The following CACNA1C variants were observed in gnomAD, a reference collection of about 807,000 sequenced individuals.
The protein encoded by CACNA1C is voltage-dependent L-type calcium channel subunit alpha-1C.
CACNA1C carries 30 observed loss-of-function variants against 229.0 expected under a neutral mutation model. That is an observed-to-expected ratio of 0.13 (90% CI 0.10 to 0.18). The LOEUF (loss-of-function observed/expected upper bound fraction) is 0.18. Ranked by LOEUF, CACNA1C falls within the 10% of genes least tolerant of loss-of-function variation. CACNA1C has a pLI of 1.00. For missense variants in CACNA1C, 1,658 were observed against 2,845.0 expected (o/e 0.58, Z 9.49); for synonymous variants, 1,114 against 1,132.5 (o/e 0.98, Z 0.33).
At chr12:2,683,335 T>C (rs1233355711) in intron 43 of CACNA1C, among the ~76,000 whole-genome samples, 1 of 152,214 alleles carries the variant, frequency 6.6e-6, no homozygotes, top group East Asian at 1.9e-4. Flanking sequence ...CAGATGTGGC[T>C]ATCTGGGGGT....
At chr12:2,051,856 G>C (rs975250525), upstream of CACNA1C, among the ~76,000 whole-genome samples, 6 of 152,338 alleles carry the variant, frequency 3.9e-5, no homozygotes, top group Admixed American at 2.6e-4. Flanking sequence ...CTGGAATTCA[G>C]GAGAGAGGTC....
chr12:2,206,529 G>T (rs1456828276), intron 3 of CACNA1C, among the ~76,000 whole-genome samples: 1 of 152,170 alleles, frequency 6.6e-6, no homozygotes, highest in African/African-American at 2.4e-5. Context: ...GCAAAATGGG[G>T]CTAGTAACAC....
chr12:2,304,493 G>A (rs1860003), intron 3 of CACNA1C, among the ~76,000 whole-genome samples: 6,290 of 152,218 alleles, frequency 0.041, 436 homozygotes, highest in African/African-American at 0.14. Context: ...ATCCTGACAC[G>A]TTTGTCCCCC....
intron 1 of CACNA1C, among the ~76,000 whole-genome samples, chr12:2,086,729 G>C (rs1161013884): frequency 6.6e-6 from 1 of 152,170 alleles, no homozygotes; most frequent in Non-Finnish European, 1.5e-5. Flanking sequence ...CTAATGTATG[G>C]AGAAAGAGAA....
At chr12:2,227,621 T>C (rs1421132088) in intron 3 of CACNA1C, among the ~76,000 whole-genome samples, 2 of 152,192 alleles carry the variant, frequency 1.3e-5, no homozygotes, top group Non-Finnish European at 2.9e-5. Flanking sequence ...TGCTAAGAAC[T>C]AGGCAGAAGC....
At chr12:2,086,740 G>A (rs919329150) in intron 1 of CACNA1C, among the ~76,000 whole-genome samples, 1 of 152,166 alleles carries the variant, frequency 6.6e-6, no homozygotes, top group Non-Finnish European at 1.5e-5. Flanking sequence ...AGAAAGAGAA[G>A]CAATTGCAGG....
intron 9 of CACNA1C, among the ~76,000 whole-genome samples, chr12:2,534,471 C>G (rs1030988560): frequency 2.0e-5 from 3 of 152,188 alleles, no homozygotes; most frequent in African/African-American, 4.8e-5. Flanking sequence ...CTCTCTGTGC[C>G]GAGAGTCCCC....
chr12:2,130,410 A>G (rs1399210158), intron 3 of CACNA1C, among the ~76,000 whole-genome samples: 14 of 130,940 alleles, frequency 1.1e-4, no homozygotes, highest in Non-Finnish European at 1.6e-5. Flanking sequence ...CCACTAACTC[A>G]TCATCTAGCA....
At chr12:2,684,855 A>C (rs867052930) in intron 43 of CACNA1C, among the ~76,000 whole-genome samples, 29 of 152,170 alleles carry the variant, frequency 1.9e-4, no homozygotes, top group African/African-American at 6.8e-4. Context: ...CTTCCTGCAC[A>C]TCTATAAATC....
chr12:2,102,049 C>G (rs147181903), intron 1 of CACNA1C, among the ~76,000 whole-genome samples: 2 of 152,312 alleles, frequency 1.3e-5, no homozygotes, highest in African/African-American at 2.4e-5. Context: ...GCCCTGGGCT[C>G]TGAGAATACA....
intron 14 of CACNA1C, 27 bp downstream of exon 14, chr12:2,581,824 G>A (rs748879565): frequency 9.4e-5 from 137 of 1,459,934 alleles, no homozygotes; most frequent in Non-Finnish European, 1.2e-4. Flanking sequence ...GCTGGGATTC[G>A]GACTCGGGGT....
intron 1 of CACNA1C, among the ~76,000 whole-genome samples, chr12:2,038,794 C>T (rs1369828998): frequency 6.6e-6 from 1 of 151,970 alleles, no homozygotes; most frequent in Non-Finnish European, 1.5e-5. Context: ...TATTGCTTGA[C>T]CTGATGTTTT....
intron 3 of CACNA1C, among the ~76,000 whole-genome samples, chr12:2,334,201 AGCCATTT>A (rs1373321935): frequency 2.6e-5 from 4 of 152,228 alleles, no homozygotes; most frequent in African/African-American, 9.6e-5. Context: ...AGTGGGTGGA[AGCCATTT>A]GGCCACTCAT....
At chr12:2,448,696 G>A (rs1015138563) in intron 3 of CACNA1C, among the ~76,000 whole-genome samples, 3 of 151,684 alleles carry the variant, frequency 2.0e-5, no homozygotes, top group African/African-American at 4.8e-5. Context: ...TAAATAAAAT[G>A]TTTCAAAAAA....
At chr12:2,430,406 T>C (rs1047989591) in intron 3 of CACNA1C, among the ~76,000 whole-genome samples, 4 of 152,204 alleles carry the variant, frequency 2.6e-5, no homozygotes, top group African/African-American at 9.7e-5. Context: ...CCTGAGGATC[T>C]GCAATTAGTT....
At chr12:2,290,355 G>A (rs915940884) in intron 3 of CACNA1C, among the ~76,000 whole-genome samples, 1 of 152,218 alleles carries the variant, frequency 6.6e-6, no homozygotes, top group African/African-American at 2.4e-5. Context: ...CAGCTGGGCA[G>A]GGGCGTGTTT....
chr12:2,071,423 A>T (rs758149740), intron 1 of CACNA1C, among the ~76,000 whole-genome samples: 6 of 151,552 alleles, frequency 4.0e-5, no homozygotes, highest in Admixed American at 2.0e-4. Flanking sequence ...AGGTCTTGCT[A>T]TGTTGCCGAG....
chr12:2,083,165 C>T (rs998232427), intron 1 of CACNA1C, among the ~76,000 whole-genome samples: 6 of 152,166 alleles, frequency 3.9e-5, no homozygotes, highest in African/African-American at 1.4e-4. Flanking sequence ...TTTTTCTTGA[C>T]CTGAGCTCAA....
intron 3 of CACNA1C, among the ~76,000 whole-genome samples, chr12:2,315,900 T>C (rs921455901): frequency 5.3e-5 from 8 of 152,240 alleles, no homozygotes; most frequent in Non-Finnish European, 1.2e-4. Flanking sequence ...TCAAAGTCTC[T>C]TAATGTCACT....
Sources: gnomAD v4.1 joint callset for allele counts (sites outside exome capture counted in the v4.1 genomes callset) on GRCh38, gnomAD v4.1.1 for gene constraint, MANE v1.5 for transcripts, NCBI Gene and HGNC (gene_info 2026-07-23, HGNC 2026-07-21) for gene names.